PCDHGA3: variants seen among roughly 807,000 people sequenced by gnomAD.
PCDHGA3 encodes the protein protocadherin gamma subfamily A, 3.
A neutral mutation model predicts 58.5 loss-of-function variants in PCDHGA3; 40 were observed. That is an observed-to-expected ratio of 0.68 (90% confidence interval 0.53 to 0.89). The LOEUF is 0.89. Among genes scored for constraint, PCDHGA3 ranks in the 40% least tolerant of loss-of-function variants. The pLI is 0.00. For synonymous variants in PCDHGA3, 530 were observed against 525.7 expected (o/e 1.01, Z -0.11); for missense variants, 1,223 against 1,195.9 (o/e 1.02, Z -0.33).
Position 141,489,527 on chromosome 5 carries a change from G to A in PCDHGA3, c.2425-5280G>A. On this transcript the variant is annotated intron_variant, in intron 1 of 3. Coordinates refer to ENST00000253812, the MANE Select transcript of PCDHGA3 (RefSeq NM_018916.4). The surrounding 1 kb of genome is among the most constrained non-coding windows in gnomAD (Gnocchi z 4.5). The stretch of plus-strand genomic sequence containing the variant: ...CAAAAGATTGACCGAGAAAGCCTAT[G>A]TGGAGCCAGCACCAGCTGCCTGCTG... The A allele has an allele frequency of 1.9e-6, 3 of 1,614,152 alleles. No individual in the cohort carries two copies. Among genetic ancestry groups the A allele is most frequent in the East Asian group, 2.2e-5 (1 of 44,874 alleles).
intron 1 of PCDHGA3, chr5:141,356,198 T>G: frequency 6.2e-7 from 1 of 1,608,990 alleles, no homozygotes; most frequent in Non-Finnish European, 8.5e-7. Flanking sequence ...AGAAGCAAGG[T>G]ACTGGTGACA....
At position 141,356,585 on chromosome 5, in the gene PCDHGA3, C is replaced by T. The variant is rs11575950; in HGVS notation, c.2424+10128C>T. 9 of 1,614,174 alleles carry T rather than the reference C, an allele frequency of 5.6e-6. 1 individual carries two copies. The South Asian group carries it at 9.9e-5, about 18-fold the overall frequency. ...CATGCTTCCTACTCTGCTTACATTC[C>T]TGAAAACAACCCCAGAGGAGCCTCC... is the stretch of plus-strand genomic sequence containing the variant. On this transcript the variant is annotated intron_variant, in intron 1 of 3. Coordinates refer to ENST00000253812, the MANE Select transcript of PCDHGA3 (RefSeq NM_018916.4).
At chr5:141,427,839 G>A (rs1276507135) in intron 1 of PCDHGA3, 3 of 1,547,192 alleles carry the variant, frequency 1.9e-6, no homozygotes, top group African/African-American at 2.7e-5. Context: ...GCGTGCCTTC[G>A]ACCACGAGCA....
chr5:141,362,156 A>T (rs1762353801), intron 1 of PCDHGA3: 1 of 1,613,872 alleles, frequency 6.2e-7, no homozygotes, highest in Non-Finnish European at 8.5e-7. Flanking sequence ...GTATTGCCAG[A>T]CCTCAGCGAC....
intron 2 of PCDHGA3, 119 bp from the exon 3 acceptor site, chr5:141,505,274 C>T: frequency 6.6e-7 from 1 of 1,524,344 alleles, no homozygotes; most frequent in East Asian, 2.3e-5. Flanking sequence ...CTGAGAGAAA[C>T]AGGTCTTGGG....
Position 141,346,306 on chromosome 5 carries a change from C to T in PCDHGA3, c.2273C>T (p.Ser758Phe). ...CTGCAGACCTATTCCCACGAGGTCT[C>T]CCTCACTGCGGACTCGCGGAAGAGC... ...AFLQTYSHEV[S>F]LTADSRKSHL... The change falls in exon 1 of 4, where the codon TCC becomes TTC. Residue 758 changes from serine to phenylalanine, a missense_variant. Around this residue, in one of 3 missense-constraint regions of PCDHGA3, gnomAD observed 325 missense variants for 327.5 expected, o/e 0.99. Coordinates refer to ENST00000253812, the MANE Select transcript of PCDHGA3 (RefSeq NM_018916.4). 1.2e-6 allele frequency: 2 copies of T among 1,614,220 alleles called. No individual in the cohort carries two copies. Among genetic ancestry groups the T allele is most frequent in the Non-Finnish European group, 1.7e-6 (2 of 1,180,034 alleles).
chr5:141,413,470 C>T (rs748662580), intron 1 of PCDHGA3: 17 of 1,614,110 alleles, frequency 1.1e-5, no homozygotes, highest in Non-Finnish European at 1.4e-5. Flanking sequence ...CCGGGAGGAG[C>T]TCTGCGCTCA....
intron 2 of PCDHGA3, among the ~76,000 whole-genome samples, chr5:141,504,280 C>T (rs1027657223): frequency 6.6e-6 from 1 of 152,076 alleles, no homozygotes; most frequent in Admixed American, 6.6e-5. Context: ...AATTATGAAT[C>T]ATTTCATGTT....
At chr5:141,481,813 G>A (rs185558948) in intron 1 of PCDHGA3, among the ~76,000 whole-genome samples, 15 of 151,942 alleles carry the variant, frequency 9.9e-5, no homozygotes, top group East Asian at 7.8e-4. Context: ...TTCACCAGGC[G>A]TGGTGGCTGA....
At position 141,383,491 on chromosome 5, in the gene PCDHGA3, C is replaced by A. The variant is rs116533786; in HGVS notation, c.2424+37034C>A. ...TAAGTACCCGGAACTGGTGCTGGAG[C>A]GGGTGCTGGACCGGGAGGAAGAGCG... On this transcript the variant is annotated intron_variant, in intron 1 of 3. Transcript: ENST00000253812. 4.5e-4 allele frequency: 731 copies of A among 1,613,114 alleles called. 6 individuals are homozygous for A. In the African/African-American group the frequency reaches 7.9e-3, roughly 17 times the overall value.
intron 1 of PCDHGA3, chr5:141,374,488 G>A (rs777789497): frequency 6.2e-7 from 1 of 1,611,190 alleles, no homozygotes; most frequent in East Asian, 2.2e-5. Flanking sequence ...GATTCTTAAA[G>A]GAAGAATTGG....
At chr5:141,365,118 T>C (rs754097120) in intron 1 of PCDHGA3, 1 of 1,613,888 alleles carries the variant, frequency 6.2e-7, no homozygotes, top group Non-Finnish European at 8.5e-7. Context: ...CGGCTGCTCA[T>C]GCTAACCGCC....
Position 141,487,367 on chromosome 5 carries a change from G to A in PCDHGA3, c.2425-7440G>A. 1 of 1,614,204 alleles carries A rather than the reference G, an allele frequency of 6.2e-7. No individual in the cohort carries two copies. The highest frequency in any genetic ancestry group is 8.5e-7 in the Non-Finnish European group (1 of 1,180,030). ...CACATGCTTTCCTGCTGGCACCTGT[G>A]CCTGTCTCACCAGATCTCGAAGGAG... On this transcript the variant is annotated intron_variant, in intron 1 of 3. Coordinates refer to ENST00000253812, the MANE Select transcript of PCDHGA3 (RefSeq NM_018916.4). This position sits in a 1 kb window ranked among gnomAD's most constrained non-coding sequence, Gnocchi z 5.0.
chr5:141,485,661 G>A lies in PCDHGA3; in HGVS notation c.2425-9146G>A. On this transcript the variant is annotated intron_variant, in intron 1 of 3. Transcript: ENST00000253812. This position sits in a 1 kb window ranked among gnomAD's most constrained non-coding sequence, Gnocchi z 5.7. ...GAAAAGGCTCAGGATGCAGATGTGGGGAGCAATTCGATTAGCAGCTATAGG... is the reference window on the plus strand; with the variant it reads ...GAAAAGGCTCAGGATGCAGATGTGGAGAGCAATTCGATTAGCAGCTATAGG... 2 of 1,612,678 alleles carry A rather than the reference G, an allele frequency of 1.2e-6. No individual in the cohort carries two copies. Among genetic ancestry groups the A allele is most frequent in the Non-Finnish European group, 1.7e-6 (2 of 1,178,884 alleles).
intron 1 of PCDHGA3, among the ~76,000 whole-genome samples, chr5:141,368,368 T>C (rs1463572003): frequency 6.6e-6 from 1 of 151,982 alleles, no homozygotes; most frequent in Non-Finnish European, 1.5e-5. Context: ...TATACACACA[T>C]ATATATACAC....
intron 1 of PCDHGA3, among the ~76,000 whole-genome samples, chr5:141,449,762 G>T (rs909809198): frequency 6.6e-6 from 1 of 151,458 alleles, no homozygotes; most frequent in Non-Finnish European, 1.5e-5. Context: ...ACATTTGAGA[G>T]TAAGTTGTAG....
intron 1 of PCDHGA3, among the ~76,000 whole-genome samples, chr5:141,381,590 A>G (rs1588902211): frequency 6.6e-6 from 1 of 152,194 alleles, no homozygotes; most frequent in South Asian, 2.1e-4. Context: ...TCCATTATCC[A>G]GTTTCTTATG....
intron 1 of PCDHGA3, chr5:141,392,972 G>C (rs2092640426): frequency 6.2e-7 from 1 of 1,613,802 alleles, no homozygotes; most frequent in African/African-American, 1.3e-5. Context: ...AGGACCTGGG[G>C]CTGGACCCCC....
chr5:141,500,433 T>A (rs1398344932), intron 2 of PCDHGA3, among the ~76,000 whole-genome samples: 17 of 151,882 alleles, frequency 1.1e-4, no homozygotes, highest in East Asian at 7.8e-4. Flanking sequence ...ATGGTCTCGA[T>A]CTCCTGACCT....
Sources: gnomAD v4.1 joint callset for allele counts (sites outside exome capture counted in the v4.1 genomes callset) on GRCh38, gnomAD v4.1.1 for gene constraint, gnomAD v4.1.1 regional missense constraint, Gnocchi (gnomAD v3.1) non-coding constraint, MANE v1.5 for transcripts, NCBI Gene and HGNC (gene_info 2026-07-23, HGNC 2026-07-21) for gene names.